The following SLC22A25 variants were observed in gnomAD, a reference collection of about 807,000 sequenced individuals.
SLC22A25 encodes MGI:2442751, MGI:2385316, MGI:3042283, MGI:3645714, MGI:3605624, MGI:2442750.
Under a neutral mutation model 45.9 loss-of-function variants are expected in SLC22A25, and 44 were observed. The observed-to-expected ratio is 0.96, with a 90% CI of 0.75 to 1.23. SLC22A25 has a LOEUF of 1.23. SLC22A25 is among the 50% of genes most tolerant of loss of function. The pLI, the probability that SLC22A25 is intolerant of heterozygous loss-of-function variation, is 0.00. For synonymous variants in SLC22A25, 283 were observed against 238.6 expected, an observed-to-expected ratio of 1.19 and a Z score of -1.72; for missense variants, 800 against 666.4, an observed-to-expected ratio of 1.20 and a Z score of -2.21.
chr11:63,185,649 C>T (rs1489292004), intron 7 of SLC22A25, among the ~76,000 whole-genome samples: 102 of 147,252 alleles, frequency 6.9e-4, no homozygotes, highest in African/African-American at 2.4e-3. Flanking sequence ...CCCACTAACT[C>T]GTCATCTAGC....
rs186079657 is a variant in SLC22A25 at position 63,225,816 on chromosome 11, T to C, written c.506+2645A>G. Among the ~76,000 whole-genome samples the C allele has an allele frequency of 8.2e-4, 125 of 152,254 alleles. 1 individual carries two copies. The highest frequency in any genetic ancestry group is 1.2e-3 in the Admixed American group (18 of 15,292). On this transcript the variant is annotated intron_variant, in intron 5 of 11. Transcript: ENST00000306494. Reference sequence around the variant, plus strand: ...AGATGTTGTGGGAGTGCTTCCTTCTTTTTAATTCTTTTCACTTTTGTCTCC... The same window carrying C: ...AGATGTTGTGGGAGTGCTTCCTTCTCTTTAATTCTTTTCACTTTTGTCTCC...
intron 10 of SLC22A25, among the ~76,000 whole-genome samples, chr11:63,165,440 T>C (rs749091612): frequency 3.9e-5 from 6 of 152,184 alleles, no homozygotes; most frequent in Non-Finnish European, 7.3e-5. Context: ...TCATTTAATT[T>C]ATGAATTCTA....
chr11:63,233,295 A>G (rs972393999), intron 3 of SLC22A25, among the ~76,000 whole-genome samples: 1 of 152,172 alleles, frequency 6.6e-6, no homozygotes, highest in African/African-American at 2.4e-5. Flanking sequence ...GCTATAAATT[A>G]TTGCCTCAAT....
At chr11:63,194,105 G>T (rs2088915141) in intron 7 of SLC22A25, among the ~76,000 whole-genome samples, 1 of 152,144 alleles carries the variant, frequency 6.6e-6, no homozygotes. Flanking sequence ...GAGAAGAGAA[G>T]TTTAGAGAAA....
chr11:63,213,693 A>T (rs748355907), intron 7 of SLC22A25, among the ~76,000 whole-genome samples: 4 of 152,164 alleles, frequency 2.6e-5, no homozygotes, highest in Non-Finnish European at 4.4e-5. Flanking sequence ...GTCTGTGGAG[A>T]AACCCGATTG....
chr11:63,165,916 A>T, intron 10 of SLC22A25, 128 bp downstream of exon 10: 1 of 1,223,054 alleles, frequency 8.2e-7, no homozygotes, highest in Non-Finnish European at 1.1e-6. Flanking sequence ...AAAGCCCCAG[A>T]TTTCTATCAG....
At chr11:63,165,369 C>T (rs922908789) in intron 10 of SLC22A25, among the ~76,000 whole-genome samples, 3 of 152,166 alleles carry the variant, frequency 2.0e-5, no homozygotes, top group Non-Finnish European at 2.9e-5. Flanking sequence ...AAGTACATTA[C>T]TAGACCGGGA....
chr11:63,241,278 G>A (rs10897399), intron 1 of SLC22A25, among the ~76,000 whole-genome samples: 51,469 of 152,060 alleles, frequency 0.34, 9,131 homozygotes, highest in East Asian at 0.56. Flanking sequence ...AGAAAAGTCT[G>A]GAATTGAGCC....
chr11:63,229,226 A>G (rs2090021640), intron 4 of SLC22A25, 25 bp downstream of exon 4: 4 of 1,503,060 alleles, frequency 2.7e-6, no homozygotes, highest in Non-Finnish European at 3.6e-6. Context: ...TCATGTACAC[A>G]AGAGAGGAAA....
At chr11:63,223,790 T>G (rs1251304400) in intron 5 of SLC22A25, among the ~76,000 whole-genome samples, 1 of 152,134 alleles carries the variant, frequency 6.6e-6, no homozygotes, top group African/African-American at 2.4e-5. Context: ...TTTTGCTGTA[T>G]TCCATTGATT....
At chr11:63,242,567 A>T (rs2090267071) in intron 1 of SLC22A25, among the ~76,000 whole-genome samples, 1 of 151,996 alleles carries the variant, frequency 6.6e-6, no homozygotes, top group East Asian at 1.9e-4. Context: ...CCTAGTTAAA[A>T]CTTCCTCTTC....
At chr11:63,172,531 A>G (rs1049696400) in intron 9 of SLC22A25, among the ~76,000 whole-genome samples, 1 of 152,192 alleles carries the variant, frequency 6.6e-6, no homozygotes, top group African/African-American at 2.4e-5. Flanking sequence ...CAAACATATG[A>G]AAAAAAGCTC....
At chr11:63,208,711 C>T (rs1161944637) in intron 7 of SLC22A25, among the ~76,000 whole-genome samples, 1 of 152,080 alleles carries the variant, frequency 6.6e-6, no homozygotes, top group Non-Finnish European at 1.5e-5. Context: ...TGGGGAGTGA[C>T]AGGAGGCATA....
chr11:63,198,907 G>A (rs1162842927), intron 7 of SLC22A25, among the ~76,000 whole-genome samples: 1 of 152,104 alleles, frequency 6.6e-6, no homozygotes, highest in Non-Finnish European at 1.5e-5. Context: ...AGCTAAGGCA[G>A]TGTTAAGGTG....
At chr11:63,232,459 C>G (rs935319310) in intron 3 of SLC22A25, among the ~76,000 whole-genome samples, 2 of 152,142 alleles carry the variant, frequency 1.3e-5, no homozygotes, top group African/African-American at 4.8e-5. Context: ...TATAAGAATG[C>G]TTGTGATTTT....
At position 63,168,336 on chromosome 11, in the gene SLC22A25, T is replaced by C. The variant is rs113241008; in HGVS notation, c.1071-2078A>G. On this transcript the variant is annotated intron_variant, in intron 9 of 11. Coordinates refer to ENST00000306494, the MANE Select transcript of SLC22A25 (RefSeq NM_199352.6). ...AATGAGTTTGACAAATTGACAGAAG[T>C]AGGCTTTAGAAGGTGGGTAATAACA... Among the ~76,000 whole-genome samples the C allele has an allele frequency of 1.6e-3, 237 of 152,188 alleles. 1 individual carries two copies. Among genetic ancestry groups the C allele is most frequent in the African/African-American group, 4.8e-3 (198 of 41,520 alleles).
chr11:63,235,299 T>A (rs1423483569), intron 3 of SLC22A25, among the ~76,000 whole-genome samples: 1 of 152,222 alleles, frequency 6.6e-6, no homozygotes, highest in Non-Finnish European at 1.5e-5. Flanking sequence ...CGTAGATTTG[T>A]TCTTTTCACA....
At position 63,160,477 on chromosome 11, in the gene SLC22A25, G is replaced by A. The variant is rs1565052281; in HGVS notation, c.*3347C>T. ...AACCTCCACCTAGATTTCAGAGGAT[G>A]TATGGAAATGCCTGGATGCCCAGGT... On this transcript the variant is annotated 3_prime_UTR_variant, in exon 12 of 12. Coordinates refer to ENST00000306494, the MANE Select transcript of SLC22A25 (RefSeq NM_199352.6). Among the ~76,000 whole-genome samples the A allele has an allele frequency of 1.3e-5, 2 of 152,238 alleles. No homozygotes were observed. The highest frequency in any genetic ancestry group is 4.1e-4 in the South Asian group (2 of 4,834).
chr11:63,239,473 C>T (rs749026363), intron 1 of SLC22A25, among the ~76,000 whole-genome samples: 4 of 152,184 alleles, frequency 2.6e-5, no homozygotes, highest in Non-Finnish European at 5.9e-5. Context: ...GTAAAATAAA[C>T]ATGCTATATT....
Sources: gnomAD v4.1 joint callset for allele counts (sites outside exome capture counted in the v4.1 genomes callset) on GRCh38, gnomAD v4.1.1 for gene constraint, MANE v1.5 for transcripts, NCBI Gene and HGNC (gene_info 2026-07-23, HGNC 2026-07-21) for gene names.